Variants in DPYD observed in about 807,000 individuals in gnomAD.
DPYD encodes the protein dihydropyrimidine dehydrogenase [NADP(+)].
A neutral mutation model predicts 116.2 loss-of-function variants in DPYD; 109 were observed. The observed-to-expected ratio is 0.94, with a 90% CI of 0.80 to 1.10. DPYD has a LOEUF of 1.10. Ranked by LOEUF, DPYD falls within the 50% of genes least tolerant of loss-of-function variation. DPYD has a pLI of 0.00. For synonymous variants in DPYD, 440 were observed against 432.0 expected (o/e 1.02, Z -0.23); for missense variants, 1,302 against 1,254.5 (o/e 1.04, Z -0.57).
Position 97,078,974 on chromosome 1 carries a change from C to A in DPYD, c.*2G>T. 1.2e-6 allele frequency: 2 copies of A among 1,613,528 alleles called. No individual in the cohort carries two copies. Among genetic ancestry groups the A allele is most frequent in the South Asian group, 1.1e-5 (1 of 91,076 alleles). ...TTCACAGCAACTGTTTCACAAATCA[C>A]CTTAACACACCGGATTCACAGATAA... On this transcript the variant is annotated 3_prime_UTR_variant, in exon 23 of 23. Coordinates refer to ENST00000370192, the MANE Select transcript of DPYD (RefSeq NM_000110.4).
chr1:97,551,124 G>A lies in DPYD; in HGVS notation c.1340-1380C>T, dbSNP rs563007467. Among the ~76,000 whole-genome samples, 22 of 152,192 alleles carry A rather than the reference G, an allele frequency of 1.4e-4. No individual in the cohort carries two copies. The Middle Eastern group carries it at 0.01, about 71-fold the overall frequency. ...TGGATGAATGAATGAATGAGTAGAT[G>A]GGTCAATGCTATCATACTCAGGTTT... On this transcript the variant is annotated intron_variant, in intron 11 of 22. Transcript: ENST00000370192.
At chr1:97,763,096 C>G (rs1665665113) in intron 3 of DPYD, among the ~76,000 whole-genome samples, 1 of 151,994 alleles carries the variant, frequency 6.6e-6, no homozygotes, top group South Asian at 2.1e-4. Context: ...TCCTAATATT[C>G]TTGACTGAGA....
At chr1:97,889,012 C>T (rs1357945576) in intron 1 of DPYD, among the ~76,000 whole-genome samples, 1 of 151,902 alleles carries the variant, frequency 6.6e-6, no homozygotes, top group African/African-American at 2.4e-5. Context: ...CAAAAATTAG[C>T]CAGGCATGGT....
intron 3 of DPYD, among the ~76,000 whole-genome samples, chr1:97,768,212 G>A (rs138596119): frequency 6.6e-6 from 1 of 151,962 alleles, no homozygotes; most frequent in Non-Finnish European, 1.5e-5. Context: ...TAAATACTTG[G>A]AGCCATATAA....
At chr1:97,464,278 TAAAATAAAG>T (rs199680067) in intron 13 of DPYD, among the ~76,000 whole-genome samples, 1,934 of 114,308 alleles carry the variant, frequency 0.017, 18 homozygotes, top group Non-Finnish European at 0.024. Context: ...TAAAATAAAA[TAAAATAAAG>T]AAAAGAAAAT....
At chr1:97,190,850 CTGACCTATGAG>C (rs2101818705) in intron 20 of DPYD, among the ~76,000 whole-genome samples, 1 of 152,272 alleles carries the variant, frequency 6.6e-6, no homozygotes, top group South Asian at 2.1e-4. Context: ...TTATTCTAGC[CTGACCTATGAG>C]TGAATATCAG....
chr1:97,501,566 C>T (rs546725665), intron 13 of DPYD, among the ~76,000 whole-genome samples: 21 of 151,886 alleles, frequency 1.4e-4, no homozygotes, highest in African/African-American at 3.4e-4. Flanking sequence ...AACACATTAG[C>T]CAGGTGTGGT....
In DPYD at chr1:97,079,040, A is replaced by C; in HGVS notation, c.3014T>G (p.Val1005Gly). ...TGGTTCATAAGGTGTTGTCCTGGAA[A>C]CCATTTTGATGCAGTCGACAATAGG... ...VCPIVDCIKMVSRTTPYEPKR... is the reference protein window; with the variant it reads ...VCPIVDCIKMGSRTTPYEPKR... The change falls in exon 23 of 23, where the codon GTT becomes GGT. Residue 1005 changes from valine to glycine, a missense_variant. Physicochemically the swap from Val to Gly is moderately radical, Grantham distance 109. Coordinates refer to ENST00000370192, the MANE Select transcript of DPYD (RefSeq NM_000110.4). The C allele has an allele frequency of 6.2e-7, 1 of 1,613,762 alleles. No homozygotes were observed.
chr1:97,371,889 CAT>C (rs1169588869), intron 16 of DPYD, among the ~76,000 whole-genome samples: 5 of 152,074 alleles, frequency 3.3e-5, no homozygotes, highest in African/African-American at 1.2e-4. Context: ...GTTTTTGGAA[CAT>C]GTGTTTTCCA....
chr1:97,560,565 A>C (rs1652072005), intron 11 of DPYD, among the ~76,000 whole-genome samples: 1 of 152,082 alleles, frequency 6.6e-6, no homozygotes, highest in Non-Finnish European at 1.5e-5. Context: ...TAGCAAAAAA[A>C]AAAAAAAAAA....
chr1:97,283,182 T>C (rs981888383), intron 18 of DPYD, among the ~76,000 whole-genome samples: 1 of 152,176 alleles, frequency 6.6e-6, no homozygotes, highest in African/African-American at 2.4e-5. Context: ...ACTTAGACTT[T>C]TTTCTAAATA....
chr1:97,389,069 G>A (rs12040388), intron 14 of DPYD, among the ~76,000 whole-genome samples: 29,170 of 151,936 alleles, frequency 0.19, 2,975 homozygotes, highest in South Asian at 0.37. Flanking sequence ...ATGAACTAGG[G>A]TGTAAGGTCT....
intron 13 of DPYD, among the ~76,000 whole-genome samples, chr1:97,491,771 T>C (rs973362272): frequency 2.6e-5 from 4 of 152,212 alleles, no homozygotes; most frequent in South Asian, 4.1e-4. Context: ...TTATATAAAG[T>C]TTTTAGATGA....
At chr1:97,361,092 A>G (rs749998621) in intron 16 of DPYD, among the ~76,000 whole-genome samples, 5 of 152,206 alleles carry the variant, frequency 3.3e-5, no homozygotes, top group African/African-American at 4.8e-5. Flanking sequence ...AGAAGAATCA[A>G]ATAGACACAA....
At chr1:97,391,029 G>A in intron 14 of DPYD, among the ~76,000 whole-genome samples, 1 of 146,600 alleles carries the variant, frequency 6.8e-6, no homozygotes. Flanking sequence ...GAGCTTTGGA[G>A]ATACCACTTA....
intron 8 of DPYD, among the ~76,000 whole-genome samples, chr1:97,613,752 G>A (rs992563026): frequency 2.0e-5 from 3 of 151,940 alleles, no homozygotes; most frequent in Non-Finnish European, 2.9e-5. Flanking sequence ...AGACAACAAT[G>A]GGTATGATTA....
chr1:97,583,630 A>G (rs2102219332), intron 10 of DPYD, among the ~76,000 whole-genome samples: 1 of 135,226 alleles, frequency 7.4e-6, no homozygotes, highest in African/African-American at 2.7e-5. Context: ...GCTTTTTTAT[A>G]TATTGCTTGC....
chr1:97,486,915 C>A (rs960078139), intron 13 of DPYD, among the ~76,000 whole-genome samples: 1 of 151,606 alleles, frequency 6.6e-6, no homozygotes, highest in African/African-American at 2.4e-5. Context: ...CACTAAATAG[C>A]ATTATTAAAA....
chr1:97,195,773 A>G (rs374003103), intron 19 of DPYD, among the ~76,000 whole-genome samples: 2 of 147,524 alleles, frequency 1.4e-5, no homozygotes, highest in South Asian at 4.3e-4. Flanking sequence ...TGGGAATGCT[A>G]GCACTTAAAA....
Sources: allele counts gnomAD v4.1 joint callset (sites outside exome capture counted in the v4.1 genomes callset), GRCh38; gene constraint gnomAD v4.1.1; transcripts MANE v1.5; gene names NCBI Gene and HGNC (gene_info 2026-07-23, HGNC 2026-07-21).